The following TGM6 variants were observed in gnomAD, a reference collection of about 807,000 sequenced individuals.
TGM6 encodes the protein transglutaminase 6.
TGM6 carries 74 observed loss-of-function variants against 77.5 expected under a neutral mutation model. That is an observed-to-expected ratio of 0.96 (90% CI 0.79 to 1.16). TGM6 has a LOEUF of 1.16. Among genes scored for constraint, TGM6 ranks in the 50% most tolerant of loss-of-function variants. The pLI is 0.00. For synonymous variants in TGM6, 383 were observed against 378.9 expected, an observed-to-expected ratio of 1.01 and a Z score of -0.12; for missense variants, 968 against 940.2, an observed-to-expected ratio of 1.03 and a Z score of -0.39.
chr20:2,396,954 T>C (rs954335621), intron 4 of TGM6, among the ~76,000 whole-genome samples: 5 of 152,200 alleles, frequency 3.3e-5, no homozygotes, highest in African/African-American at 1.2e-4. Flanking sequence ...CCCCCAGAGC[T>C]GCCGACTGAG....
intron 7 of TGM6, among the ~76,000 whole-genome samples, chr20:2,400,912 A>G (rs968187941): frequency 3.9e-5 from 6 of 152,048 alleles, no homozygotes; most frequent in Non-Finnish European, 8.8e-5. Context: ...GGTGGCTCAC[A>G]CCTGTAATCC....
At chr20:2,400,505 C>T (rs1262195873) in intron 7 of TGM6, 61 bp downstream of exon 7, 1 of 1,610,008 alleles carries the variant, frequency 6.2e-7, no homozygotes, top group African/African-American at 1.3e-5. Context: ...GGAGCAAGGC[C>T]TCATCTTCCA....
intron 9 of TGM6, among the ~76,000 whole-genome samples, chr20:2,412,439 T>C (rs999568634): frequency 9.2e-4 from 140 of 152,152 alleles, no homozygotes; most frequent in African/African-American, 3.3e-3. Flanking sequence ...ATGAATGTAC[T>C]TAATGACACT....
chr20:2,403,871 C>T (rs775274303), intron 9 of TGM6, 48 bp downstream of exon 9: 11 of 1,613,258 alleles, frequency 6.8e-6, no homozygotes, highest in Non-Finnish European at 6.8e-6. Flanking sequence ...GATGGCCCAT[C>T]AGCTGCAGAG....
At chr20:2,413,815 T>A (rs923265001) in intron 9 of TGM6, among the ~76,000 whole-genome samples, 1 of 151,990 alleles carries the variant, frequency 6.6e-6, no homozygotes, top group Non-Finnish European at 1.5e-5. Context: ...AACATAGGAG[T>A]AAATCTTCAT....
chr20:2,427,121 C>A (rs192582993), intron 10 of TGM6, among the ~76,000 whole-genome samples: 2 of 152,152 alleles, frequency 1.3e-5, no homozygotes, highest in African/African-American at 4.8e-5. Flanking sequence ...GTGAACCCAT[C>A]TGGGATTAAT....
Position 2,380,976 on chromosome 20 carries a change from G to T in TGM6, c.7+1G>T, listed in dbSNP as rs772567551. 2.9e-5 allele frequency: 47 copies of T among 1,608,644 alleles called. No individual in the cohort carries two copies. The East Asian group carries it at 9.6e-4, about 33-fold the overall frequency. On this transcript the variant is annotated splice_donor_variant, in intron 1 of 12. Coordinates refer to ENST00000202625, the MANE Select transcript of TGM6 (RefSeq NM_198994.3). LOFTEE classifies it high-confidence loss of function. ...AGTCCAGCTGGCCTTCACATGGCAG[G>T]TAAGTGGGCAGAGCCTGGGGCCTTG...
At chr20:2,384,906 G>T (rs1057270630) in intron 1 of TGM6, among the ~76,000 whole-genome samples, 1 of 151,864 alleles carries the variant, frequency 6.6e-6, no homozygotes, top group African/African-American at 2.4e-5. Flanking sequence ...CTTGGGCTGG[G>T]AGCTCATCCT....
At chr20:2,384,766 G>T (rs935462792) in intron 1 of TGM6, among the ~76,000 whole-genome samples, 1 of 152,220 alleles carries the variant, frequency 6.6e-6, no homozygotes, top group Non-Finnish European at 1.5e-5. Context: ...GGGAGAAGGG[G>T]AGGAGAGCAG....
Position 2,395,340 on chromosome 20 carries a change from G to T in TGM6, c.328G>T (p.Gly110Cys). 6.2e-7 allele frequency: 1 copy of T among 1,614,232 alleles called. No individual in the cohort carries two copies. ...SLASPPSAVI[G>C]RYLLSIRLSS... Reference sequence around the variant, plus strand: ...CGCCAGCCCTCCCAGTGCTGTCATTGGCCGCTACCTGCTGAGCATCAGGCT... The same window carrying T: ...CGCCAGCCCTCCCAGTGCTGTCATTTGCCGCTACCTGCTGAGCATCAGGCT... The change falls in exon 3 of 13, where the codon GGC becomes TGC. Residue 110 changes from glycine (G) to cysteine (C), a missense_variant. By Grantham distance (159) the Gly-to-Cys change is radical. Coordinates refer to ENST00000202625, the MANE Select transcript of TGM6 (RefSeq NM_198994.3).
chr20:2,403,303 G>A (rs1188873326), intron 7 of TGM6, 94 bp from the exon 8 acceptor site: 8 of 1,329,410 alleles, frequency 6.0e-6, no homozygotes, highest in Non-Finnish European at 8.5e-6. Flanking sequence ...CAGTTCTTGT[G>A]GAAAGTAGGG....
rs1441800687 is a variant in TGM6, at chr20:2,430,458, C to T, written c.1691C>T (p.Pro564Leu). 6 of 1,614,188 alleles carry T rather than the reference C, an allele frequency of 3.7e-6. No individual in the cohort carries two copies. Among genetic ancestry groups the T allele is most frequent in the Non-Finnish European group, 4.2e-6 (5 of 1,180,038 alleles). ...RLGPQEEKRI[P>L]ITISYSKYKE... ...CTTTCCCTTCCAGAGAAGAGAATCC[C>T]AATTACAATATCTTACTCTAAGTAT... The change falls in exon 11 of 13, where the codon CCA (proline) becomes CTA (leucine). Residue 564 changes from proline (P) to leucine (L), a missense_variant. By Grantham distance (98) the Pro-to-Leu change is moderately conservative. Coordinates refer to ENST00000202625, the MANE Select transcript of TGM6 (RefSeq NM_198994.3).
In TGM6 at chr20:2,403,823, G is replaced by A. The variant is rs767072224; in HGVS notation, c.1336G>A (p.Gly446Arg). Residue 446 changes from glycine to arginine, a missense_variant and splice_region_variant, in exon 9 of 13, where the codon GGG becomes AGG. By Grantham distance (125) the Gly-to-Arg change is moderately radical. Transcript: ENST00000202625. ...DITDLYKYPE[G>R]SRKERQVYSK... ...CACTGACCTCTACAAGTATCCGGAA[G>A]GTAAGGGCCACATGGCGGCCTTTAT... 6.2e-7 allele frequency: 1 copy of A among 1,614,090 alleles called. No homozygotes were observed. Among genetic ancestry groups the A allele is most frequent in the Non-Finnish European group, 8.5e-7 (1 of 1,180,030 alleles).
chr20:2,381,436 C>T (rs1381573724), intron 1 of TGM6, among the ~76,000 whole-genome samples: 1 of 152,214 alleles, frequency 6.6e-6, no homozygotes, highest in Non-Finnish European at 1.5e-5. Flanking sequence ...AAGAGCAGCT[C>T]TGGCTCAAGT....
In TGM6 at chr20:2,417,339, T is replaced by C. The variant is rs552970732; in HGVS notation, c.1444T>C (p.Trp482Arg). 173 of 1,613,940 alleles carry C rather than the reference T, an allele frequency of 1.1e-4. No individual in the cohort carries two copies. In the South Asian group the frequency reaches 1.6e-3, roughly 15 times the overall value. The stretch of plus-strand genomic sequence containing the variant: ...CCGCAGGGCTGGGGGTCGCTGTCTC[T>C]GGCGTGACGACCTCCTGGAGCCTGC... ...WIRRAGGRCL[W>R]RDDLLEPATK... The change falls in exon 10 of 13, where the codon TGG becomes CGG. Residue 482 changes from tryptophan (W) to arginine (R), a missense_variant. Physicochemically the swap from Trp to Arg is moderately radical, Grantham distance 101. Coordinates refer to ENST00000202625, the MANE Select transcript of TGM6 (RefSeq NM_198994.3).
intron 9 of TGM6, among the ~76,000 whole-genome samples, chr20:2,406,615 C>T (rs2122383510): frequency 6.6e-6 from 1 of 151,308 alleles, no homozygotes; most frequent in East Asian, 2.0e-4. Flanking sequence ...GCAGGCAGAT[C>T]ACCTGAGGTC....
At chr20:2,404,664 G>C (rs2122378663) in intron 9 of TGM6, among the ~76,000 whole-genome samples, 1 of 151,042 alleles carries the variant, frequency 6.6e-6, no homozygotes, top group South Asian at 2.1e-4. Flanking sequence ...CTTTGAGACA[G>C]AATCTCACTC....
At chr20:2,422,731 A>G (rs1277081886) in intron 10 of TGM6, among the ~76,000 whole-genome samples, 11 of 152,166 alleles carry the variant, frequency 7.2e-5, no homozygotes, top group Admixed American at 7.2e-4. Context: ...CAAGAGCTCA[A>G]GACCAACCTG....
chr20:2,400,402 C>T lies in TGM6; in HGVS notation c.947C>T (p.Ser316Phe), dbSNP rs768675327. 19 of 1,614,222 alleles carry T rather than the reference C, an allele frequency of 1.2e-5. No individual in the cohort carries two copies. The South Asian group carries it at 2.1e-4, about 18-fold the overall frequency. Residue 316 changes from serine to phenylalanine, a missense_variant, in exon 7 of 13, where the codon TCC (serine) becomes TTC (phenylalanine). Transcript: ENST00000202625. ...QNLSVDKYVD[S>F]FGRTLEDLTE... Reference sequence around the variant, plus strand: ...CTGAGTGTGGACAAATACGTGGACTCCTTCGGGCGGACCCTGGAGGACCTG... The same window carrying T: ...CTGAGTGTGGACAAATACGTGGACTTCTTCGGGCGGACCCTGGAGGACCTG...
Sources: gnomAD v4.1 joint callset for allele counts (sites outside exome capture counted in the v4.1 genomes callset) on GRCh38, gnomAD v4.1.1 for gene constraint, MANE v1.5 for transcripts, NCBI Gene and HGNC (gene_info 2026-07-23, HGNC 2026-07-21) for gene names.